SLIT3: variants seen among roughly 807,000 people sequenced by gnomAD.
The protein encoded by SLIT3 is slit homolog 3 protein.
A neutral mutation model predicts 184.0 loss-of-function variants in SLIT3; 68 were observed. That is an observed-to-expected ratio of 0.37 (90% confidence interval 0.30 to 0.45). SLIT3 has a LOEUF of 0.45. SLIT3 is among the 20% of genes least tolerant of loss of function. The pLI is 1.00. For synonymous variants in SLIT3, 831 were observed against 828.6 expected (o/e 1.00, Z -0.05); for missense variants, 1,707 against 2,026.0 (o/e 0.84, Z 3.02).
intron 4 of SLIT3, among the ~76,000 whole-genome samples, chr5:168,972,796 GCATGTAA>G (rs1199269190): frequency 1.4e-4 from 22 of 152,154 alleles, no homozygotes; most frequent in African/African-American, 4.8e-4. Flanking sequence ...GGTGTGAGAA[GCATGTAA>G]CATTTCATCC....
intron 3 of SLIT3, among the ~76,000 whole-genome samples, chr5:169,233,458 C>T (rs1217570272): frequency 6.8e-6 from 1 of 147,184 alleles, no homozygotes; most frequent in Admixed American, 6.9e-5. Flanking sequence ...TAGAAATCTA[C>T]TTAAGAATTC....
At chr5:169,006,251 C>G (rs1218431940) in intron 4 of SLIT3, among the ~76,000 whole-genome samples, 1 of 152,236 alleles carries the variant, frequency 6.6e-6, no homozygotes, top group Non-Finnish European at 1.5e-5. Context: ...AAAGCATTCT[C>G]TTCTCTAATC....
chr5:168,997,404 T>G (rs962570241), intron 4 of SLIT3, among the ~76,000 whole-genome samples: 3 of 152,086 alleles, frequency 2.0e-5, no homozygotes, highest in Admixed American at 6.6e-5. Context: ...GGGTTCTGGG[T>G]TTGTGGAATC....
intron 23 of SLIT3, among the ~76,000 whole-genome samples, chr5:168,718,735 C>CACAT (rs1561891900): frequency 1.3e-5 from 2 of 150,254 alleles, no homozygotes; most frequent in Non-Finnish European, 3.0e-5. Context: ...CACACATTCT[C>CACAT]TCTCTCTCTC....
chr5:168,987,886 A>G (rs1412968300), intron 4 of SLIT3, among the ~76,000 whole-genome samples: 1 of 152,254 alleles, frequency 6.6e-6, no homozygotes, highest in Non-Finnish European at 1.5e-5. Context: ...ATATCCTCAT[A>G]GGCCCCTGGT....
rs1373535326 is a variant in SLIT3, at chr5:168,860,414, G to T, written c.486-15759C>A. ...TCATTCCATCTGGGGCTTCAAATGT[G>T]GTGAGGAATGGTGGCCTAATGGGGA... is the stretch of plus-strand genomic sequence containing the variant. On this transcript the variant is annotated intron_variant, in intron 5 of 35. Transcript: ENST00000519560. Among the ~76,000 whole-genome samples, 6 of 152,082 alleles carry T rather than the reference G, an allele frequency of 3.9e-5. 1 individual carries two copies. Among genetic ancestry groups the T allele is most frequent in the Admixed American group, 2.0e-4 (3 of 15,268 alleles).
chr5:169,123,853 C>G (rs1760978491), intron 4 of SLIT3, among the ~76,000 whole-genome samples: 1 of 152,112 alleles, frequency 6.6e-6, no homozygotes, highest in South Asian at 2.1e-4. Flanking sequence ...AATTTGCTTG[C>G]TGATGTTCTA....
chr5:168,861,689 C>T (rs568595178), intron 5 of SLIT3, among the ~76,000 whole-genome samples: 4 of 152,114 alleles, frequency 2.6e-5, no homozygotes, highest in Non-Finnish European at 4.4e-5. Context: ...CCCAACTGTA[C>T]GGGTTGACAG....
chr5:168,937,814 G>C (rs1468751431), intron 4 of SLIT3, among the ~76,000 whole-genome samples: 1 of 152,100 alleles, frequency 6.6e-6, no homozygotes, highest in East Asian at 1.9e-4. Flanking sequence ...AATAAAGAAT[G>C]GTGCCTAGCA....
At chr5:169,188,709 G>A (rs1278665250) in intron 4 of SLIT3, among the ~76,000 whole-genome samples, 2 of 152,168 alleles carry the variant, frequency 1.3e-5, no homozygotes, top group Non-Finnish European at 2.9e-5. Context: ...ATCTTCCATG[G>A]AGCATTTACT....
intron 7 of SLIT3, 151 bp downstream of exon 7, chr5:168,823,109 G>A (rs1757586043): frequency 9.7e-6 from 7 of 723,664 alleles, no homozygotes; most frequent in South Asian, 9.4e-5. Context: ...ACTCGCCAAG[G>A]CACCCCTTGG....
rs191739370 is a variant in SLIT3, at chr5:168,776,299, A to T, written c.1152-1921T>A. Among the ~76,000 whole-genome samples the T allele has an allele frequency of 1.4e-3, 220 of 152,310 alleles. 1 individual carries two copies. Among genetic ancestry groups the T allele is most frequent in the African/African-American group, 5.2e-3 (215 of 41,568 alleles). ...AAGCAGCTGTGGCAGTGACAAGTGG[A>T]AGAAGAACGGCCTGTTTAATCTGTC... On this transcript the variant is annotated intron_variant, in intron 12 of 35. Coordinates refer to ENST00000519560, the MANE Select transcript of SLIT3 (RefSeq NM_003062.4).
intron 4 of SLIT3, among the ~76,000 whole-genome samples, chr5:169,186,971 C>T (rs992451413): frequency 6.6e-6 from 1 of 151,916 alleles, no homozygotes; most frequent in African/African-American, 2.4e-5. Flanking sequence ...ACTTGCAACT[C>T]CACTGCCCAA....
At chr5:168,900,615 CAAACAAAACAAAACA>C (rs141764198) in intron 4 of SLIT3, among the ~76,000 whole-genome samples, 12,491 of 151,912 alleles carry the variant, frequency 0.082, 653 homozygotes, top group Non-Finnish European at 0.12. Flanking sequence ...AACCCTGTCT[CAAACAAAACAAAACA>C]AAACAAAACA....
chr5:169,088,126 T>A (rs904087182), intron 4 of SLIT3, among the ~76,000 whole-genome samples: 2 of 152,146 alleles, frequency 1.3e-5, no homozygotes, highest in Admixed American at 6.5e-5. Context: ...CCAATTACTC[T>A]CCAGATTCTC....
chr5:169,139,590 C>A (rs1382210351), intron 4 of SLIT3, among the ~76,000 whole-genome samples: 1 of 152,200 alleles, frequency 6.6e-6, no homozygotes, highest in East Asian at 1.9e-4. Flanking sequence ...TAGCCCACCC[C>A]CCCAGGGGCT....
At chr5:168,896,903 G>A (rs1428169230) in intron 4 of SLIT3, among the ~76,000 whole-genome samples, 1 of 152,218 alleles carries the variant, frequency 6.6e-6, no homozygotes, top group East Asian at 1.9e-4. Flanking sequence ...GCAAGTCAAA[G>A]CACCCTTCTG....
intron 4 of SLIT3, among the ~76,000 whole-genome samples, chr5:169,060,390 T>TCAAA (rs35858529): frequency 0.29 from 43,565 of 151,078 alleles, 6,449 homozygotes; most frequent in African/African-American, 0.33. Context: ...AGACTCCATC[T>TCAAA]CAAACAAACA....
chr5:169,017,186 T>C (rs1756415983), intron 4 of SLIT3, among the ~76,000 whole-genome samples: 1 of 152,204 alleles, frequency 6.6e-6, no homozygotes, highest in South Asian at 2.1e-4. Context: ...GTCAGGCAAA[T>C]TCGTGGCATA....
Sources: gnomAD v4.1 joint callset for allele counts (sites outside exome capture counted in the v4.1 genomes callset) on GRCh38, gnomAD v4.1.1 for gene constraint, MANE v1.5 for transcripts, NCBI Gene and HGNC (gene_info 2026-07-23, HGNC 2026-07-21) for gene names.